SAMD5: variants seen among roughly 807,000 people sequenced by gnomAD.
SAMD5 encodes the protein sterile alpha motif domain-containing protein 5.
In SAMD5, 13 loss-of-function variants were observed where a neutral mutation model predicts 11.3. The ratio of observed to expected loss-of-function variants is 1.15; its 90% CI spans 0.75 to 1.83. The LOEUF (loss-of-function observed/expected upper bound fraction) is 1.83. SAMD5 is among the 40% of genes most tolerant of loss of function. The pLI is 0.00. For missense variants in SAMD5, 255 were observed against 239.1 expected, an observed-to-expected ratio of 1.07 and a Z score of -0.44; for synonymous variants, 129 against 111.3, an observed-to-expected ratio of 1.16 and a Z score of -1.00.
the SAMD5 span, among the ~76,000 whole-genome samples, chr6:147,753,613 G>A: frequency 6.6e-6 from 1 of 151,890 alleles, no homozygotes; most frequent in Non-Finnish European, 1.5e-5. Flanking sequence ...AAGTTATGAT[G>A]GACTAAAGTC....
chr6:147,730,471 C>T (rs1791698363), intron 1 of SAMD5, among the ~76,000 whole-genome samples: 1 of 152,102 alleles, frequency 6.6e-6, no homozygotes, highest in Non-Finnish European at 1.5e-5. Flanking sequence ...CAAGATACCC[C>T]AAGGTTTTTG....
the SAMD5 span, among the ~76,000 whole-genome samples, chr6:147,939,611 A>C: frequency 6.6e-6 from 1 of 152,250 alleles, no homozygotes; most frequent in Non-Finnish European, 1.5e-5. Context: ...GTGCAATCTG[A>C]CCTTCAGAGA....
chr6:147,789,278 A>AACACACAC, the SAMD5 span, among the ~76,000 whole-genome samples: 423 of 141,184 alleles, frequency 3.0e-3, 1 homozygote, highest in South Asian at 0.014. Context: ...TCTCTAGAAA[A>AACACACAC]ACACACACAC....
At chr6:147,513,066 G>T (rs937707425) in intron 1 of SAMD5, among the ~76,000 whole-genome samples, 9 of 151,814 alleles carry the variant, frequency 5.9e-5, no homozygotes, top group African/African-American at 1.9e-4. Flanking sequence ...AGGCCAGGAA[G>T]GGGAGGAAGT....
At chr6:147,521,648 T>G (rs2128440077) in intron 1 of SAMD5, among the ~76,000 whole-genome samples, 1 of 152,216 alleles carries the variant, frequency 6.6e-6, no homozygotes, top group African/African-American at 2.4e-5. Flanking sequence ...GAGGAATCAA[T>G]GAAGCAGTAT....
At chr6:147,688,471 G>A (rs562404900) in intron 1 of SAMD5, among the ~76,000 whole-genome samples, 154 of 152,262 alleles carry the variant, frequency 1.0e-3, no homozygotes, top group South Asian at 6.2e-4. Flanking sequence ...ATACAAAGAG[G>A]GATTGAGTTG....
At chr6:147,908,783 A>T in the SAMD5 span, among the ~76,000 whole-genome samples, 1 of 152,180 alleles carries the variant, frequency 6.6e-6, no homozygotes, top group African/African-American at 2.4e-5. Flanking sequence ...TGCTTACCCA[A>T]TTCAAACCCT....
the SAMD5 span, among the ~76,000 whole-genome samples, chr6:147,849,293 G>T: frequency 2.6e-5 from 4 of 151,624 alleles, no homozygotes; most frequent in East Asian, 3.9e-4. Context: ...CACAGGTACG[G>T]TTATGTATCT....
chr6:147,653,218 T>G (rs577170941), intron 1 of SAMD5, among the ~76,000 whole-genome samples: 1 of 152,342 alleles, frequency 6.6e-6, no homozygotes, highest in South Asian at 2.1e-4. Flanking sequence ...TTTTCAGAGA[T>G]AAATACTTCA....
chr6:147,695,995 C>G (rs768940241), intron 1 of SAMD5, among the ~76,000 whole-genome samples: 12 of 152,094 alleles, frequency 7.9e-5, no homozygotes, highest in Non-Finnish European at 1.6e-4. Flanking sequence ...TGGTGTTTTC[C>G]TCATGCCATG....
chr6:147,719,398 T>C (rs1562359365), intron 1 of SAMD5, among the ~76,000 whole-genome samples: 1 of 152,200 alleles, frequency 6.6e-6, no homozygotes, highest in Non-Finnish European at 1.5e-5. Context: ...ATTCATTCTG[T>C]TGAGGGCCTA....
chr6:147,633,393 C>T (rs531288399), intron 1 of SAMD5, among the ~76,000 whole-genome samples: 19 of 152,146 alleles, frequency 1.2e-4, no homozygotes, highest in South Asian at 4.2e-4. Context: ...TTCCTTCTGT[C>T]GCCAGCGGGG....
chr6:147,839,028 A>C, the SAMD5 span, among the ~76,000 whole-genome samples: 1 of 152,236 alleles, frequency 6.6e-6, no homozygotes, highest in South Asian at 2.1e-4. Flanking sequence ...AGTTGAAATA[A>C]ATTTCTAAAG....
intron 1 of SAMD5, among the ~76,000 whole-genome samples, chr6:147,647,067 T>C (rs1394767267): frequency 6.6e-6 from 1 of 151,642 alleles, no homozygotes; most frequent in Non-Finnish European, 1.5e-5. Flanking sequence ...CTCAGGAGGC[T>C]GAGGCAGGAG....
chr6:147,650,718 G>A (rs1020746995), intron 1 of SAMD5, among the ~76,000 whole-genome samples: 2 of 152,164 alleles, frequency 1.3e-5, no homozygotes, highest in African/African-American at 2.4e-5. Flanking sequence ...TCTGGATGGT[G>A]GAAACATTCA....
At position 147,564,982 on chromosome 6, in the gene SAMD5, A is replaced by G; in HGVS notation, c.*526A>G. ...TAAGATACATAATTCTATGTAGAAT[A>G]GTTTGGTGAAGGAATTCTTATTTTA... On this transcript the variant is annotated 3_prime_UTR_variant, in exon 2 of 2. Transcript: ENST00000367474. 1.2e-6 allele frequency: 1 copy of G among 830,104 alleles called. No individual in the cohort carries two copies. Among genetic ancestry groups the G allele is most frequent in the Non-Finnish European group, 1.5e-6 (1 of 689,600 alleles). 51.4% of individuals were successfully genotyped at this position (830,104 alleles called of 1,614,324 possible). A position where few individuals can be genotyped will look rare whatever the true frequency, so the allele number is the denominator to read the frequency against.
chr6:147,694,815 T>C (rs1476545040), intron 1 of SAMD5, among the ~76,000 whole-genome samples: 1 of 152,156 alleles, frequency 6.6e-6, no homozygotes, highest in Non-Finnish European at 1.5e-5. Context: ...AACACTGTTA[T>C]AAAAAATCAC....
At chr6:147,774,102 A>G in the SAMD5 span, among the ~76,000 whole-genome samples, 1 of 152,122 alleles carries the variant, frequency 6.6e-6, no homozygotes, top group East Asian at 1.9e-4. Flanking sequence ...TTGGCCTCCC[A>G]AAGTGCTGAG....
chr6:147,620,562 T>A (rs1789943888), intron 1 of SAMD5, among the ~76,000 whole-genome samples: 1 of 152,130 alleles, frequency 6.6e-6, no homozygotes, highest in African/African-American at 2.4e-5. Flanking sequence ...GTAGAAGAAG[T>A]AAATGCCATA....
Sources: allele counts gnomAD v4.1 joint callset (sites outside exome capture counted in the v4.1 genomes callset), GRCh38; gene constraint gnomAD v4.1.1; transcripts MANE v1.5; gene names NCBI Gene and HGNC (gene_info 2026-07-23, HGNC 2026-07-21).